The following CNBD1 variants were observed in gnomAD, a reference collection of about 807,000 sequenced individuals.
CNBD1 encodes cyclic nucleotide binding domain containing 1.
Under a neutral mutation model 54.4 loss-of-function variants are expected in CNBD1, and 71 were observed. The observed-to-expected ratio is 1.30, with a 90% CI of 1.08 to 1.59. The LOEUF (loss-of-function observed/expected upper bound fraction) is 1.59, where lower values mean the gene tolerates loss of function less well. Among genes scored for constraint, CNBD1 ranks in the 40% most tolerant of loss-of-function variants. The pLI, the probability that CNBD1 is intolerant of heterozygous loss-of-function variation, is 0.00. For synonymous variants in CNBD1, 182 were observed against 170.7 expected, an observed-to-expected ratio of 1.07 and a Z score of -0.51; for missense variants, 659 against 518.0, an observed-to-expected ratio of 1.27 and a Z score of -2.64.
intron 8 of CNBD1, among the ~76,000 whole-genome samples, chr8:87,304,058 C>G (rs62528137): frequency 6.6e-6 from 1 of 152,032 alleles, no homozygotes; most frequent in African/African-American, 2.4e-5. Flanking sequence ...CTAGTTCAAC[C>G]ATTGTGGAAG....
intron 4 of CNBD1, among the ~76,000 whole-genome samples, chr8:87,084,682 C>CTT (rs1350319178): frequency 1.4e-5 from 2 of 144,446 alleles, no homozygotes; most frequent in African/African-American, 5.0e-5. Flanking sequence ...TTTTTCTTTT[C>CTT]TTTTTTTTTT....
At position 87,041,686 on chromosome 8, in the gene CNBD1, C is replaced by G. The variant is rs557815116; in HGVS notation, c.431+101932C>G. 5.9e-5 allele frequency among the ~76,000 whole-genome samples: 9 copies of G among 152,240 alleles called. No homozygotes were observed. In the East Asian group the frequency reaches 1.7e-3, roughly 29 times the overall value. The stretch of plus-strand genomic sequence containing the variant: ...TGGTGGTGGGTGCCTGTAGTCCCAG[C>G]TACTTGGGAGGCTGAGGCAGGAGAA... On this transcript the variant is annotated intron_variant, in intron 4 of 10. Transcript: ENST00000518476.
At chr8:87,291,030 AT>A (rs1325829487) in intron 8 of CNBD1, among the ~76,000 whole-genome samples, 1 of 152,240 alleles carries the variant, frequency 6.6e-6, no homozygotes, top group African/African-American at 2.4e-5. Context: ...TCTCTCATAT[AT>A]TGTTAGCTAT....
At chr8:87,178,733 T>C (rs569972121) in intron 4 of CNBD1, among the ~76,000 whole-genome samples, 2 of 152,160 alleles carry the variant, frequency 1.3e-5, no homozygotes, top group Non-Finnish European at 2.9e-5. Context: ...AGTAGCAGGA[T>C]GAAAAGTGGT....
chr8:87,183,584 A>C (rs1813409943), intron 4 of CNBD1, among the ~76,000 whole-genome samples: 1 of 152,092 alleles, frequency 6.6e-6, no homozygotes, highest in Admixed American at 6.5e-5. Flanking sequence ...TAATGTGGTC[A>C]TCTAGAGGTA....
At chr8:87,193,012 T>C (rs1813644923) in intron 4 of CNBD1, among the ~76,000 whole-genome samples, 1 of 152,184 alleles carries the variant, frequency 6.6e-6, no homozygotes, top group Non-Finnish European at 1.5e-5. Context: ...ACTTCAATCT[T>C]ATATGTAGGA....
At chr8:87,248,912 G>A (rs1427060372) in intron 6 of CNBD1, among the ~76,000 whole-genome samples, 13 of 152,140 alleles carry the variant, frequency 8.5e-5, no homozygotes, top group Admixed American at 1.3e-4. Flanking sequence ...AGAGGGCCAC[G>A]TATGGACTAA....
At chr8:87,039,117 G>A (rs1810009121) in intron 4 of CNBD1, among the ~76,000 whole-genome samples, 1 of 151,986 alleles carries the variant, frequency 6.6e-6, no homozygotes, top group African/African-American at 2.4e-5. Flanking sequence ...TATTATCTCT[G>A]TGTGTTTGGC....
intron 6 of CNBD1, among the ~76,000 whole-genome samples, chr8:87,269,429 T>G (rs1808321289): frequency 6.6e-6 from 1 of 152,162 alleles, no homozygotes; most frequent in South Asian, 2.1e-4. Context: ...CATATGAATT[T>G]TGTAATTGTT....
chr8:87,360,360 T>C (rs1419648930), intron 10 of CNBD1, among the ~76,000 whole-genome samples: 1 of 151,886 alleles, frequency 6.6e-6, no homozygotes, highest in Non-Finnish European at 1.5e-5. Context: ...AGTTAGGAAA[T>C]ATCTTTTTTT....
intron 6 of CNBD1, among the ~76,000 whole-genome samples, chr8:87,260,248 G>C (rs1437077188): frequency 6.6e-6 from 1 of 152,144 alleles, no homozygotes; most frequent in Non-Finnish European, 1.5e-5. Flanking sequence ...GGAAGGCAGA[G>C]ACCAAGAGAA....
At chr8:87,394,582 T>C (rs145667032) in intron 2 of CNBD1, among the ~76,000 whole-genome samples, 1 of 152,088 alleles carries the variant, frequency 6.6e-6, no homozygotes, top group Non-Finnish European at 1.5e-5. Context: ...CTTTTAACTG[T>C]ATAGTCAATG....
chr8:87,028,420 G>A (rs1328996106), intron 4 of CNBD1, among the ~76,000 whole-genome samples: 1 of 152,156 alleles, frequency 6.6e-6, no homozygotes, highest in African/African-American at 2.4e-5. Context: ...TCAAGTCAGG[G>A]AATGAAAATC....
chr8:87,191,842 G>T (rs374900109), intron 4 of CNBD1, among the ~76,000 whole-genome samples: 73 of 152,196 alleles, frequency 4.8e-4, no homozygotes, highest in African/African-American at 1.7e-3. Context: ...GCACAGAAGT[G>T]GCATATACTT....
At chr8:87,332,714 T>C (rs1194436620) in intron 8 of CNBD1, among the ~76,000 whole-genome samples, 1 of 152,128 alleles carries the variant, frequency 6.6e-6, no homozygotes, top group Admixed American at 6.6e-5. Context: ...TTCTGAGGTC[T>C]CTATTATGTT....
chr8:87,070,581 A>T lies in CNBD1; in HGVS notation c.431+130827A>T, dbSNP rs150959117. 2.4e-3 allele frequency among the ~76,000 whole-genome samples: 362 copies of T among 151,464 alleles called. 4 individuals carry two copies. The highest frequency in any genetic ancestry group is 8.3e-3 in the African/African-American group (342 of 41,312). ...TTGAGGGAAATTGTGAGAAAAAGAG[A>T]TTTTTTTTTCCTAAGTGTAATGGGA... is the stretch of plus-strand genomic sequence containing the variant. On this transcript the variant is annotated intron_variant, in intron 4 of 10. Transcript: ENST00000518476.
At chr8:87,424,082 C>T (rs1056721343) in intron 2 of CNBD1, among the ~76,000 whole-genome samples, 4 of 152,136 alleles carry the variant, frequency 2.6e-5, no homozygotes, top group Non-Finnish European at 4.4e-5. Flanking sequence ...TTGTAGTATT[C>T]TCTGATGGTA....
intron 4 of CNBD1, among the ~76,000 whole-genome samples, chr8:87,020,410 A>G (rs1330846819): frequency 6.6e-6 from 1 of 151,864 alleles, no homozygotes; most frequent in Non-Finnish European, 1.5e-5. Flanking sequence ...CAAATCAAAC[A>G]CCCCTAGGAA....
intron 3 of CNBD1, among the ~76,000 whole-genome samples, chr8:86,931,438 A>G (rs982726389): frequency 6.6e-6 from 1 of 151,754 alleles, no homozygotes; most frequent in Admixed American, 6.6e-5. Context: ...GCCTCGGCAT[A>G]GTGGACATGG....
Sources: allele counts gnomAD v4.1 joint callset (sites outside exome capture counted in the v4.1 genomes callset), GRCh38; gene constraint gnomAD v4.1.1; transcripts MANE v1.5; gene names NCBI Gene and HGNC (gene_info 2026-07-23, HGNC 2026-07-21).